Variants in PI4KA observed in about 807,000 individuals in gnomAD.
The protein encoded by PI4KA is PI4-kinase alpha.
Under a neutral mutation model 271.4 loss-of-function variants are expected in PI4KA, and 122 were observed. The ratio of observed to expected loss-of-function variants is 0.45; its 90% CI spans 0.39 to 0.52. PI4KA has a LOEUF of 0.52. Ranked by LOEUF, PI4KA falls within the 20% of genes least tolerant of loss-of-function variation. PI4KA has a pLI of 0.00. For synonymous variants in PI4KA, 1,041 were observed against 1,078.8 expected (o/e 0.96, Z 0.69); for missense variants, 1,969 against 2,769.1 (o/e 0.71, Z 6.48).
intron 23 of PI4KA, among the ~76,000 whole-genome samples, chr22:20,758,665 T>A (rs1931609700): frequency 6.6e-6 from 1 of 152,124 alleles, no homozygotes; most frequent in African/African-American, 2.4e-5. Context: ...AATGAACAGT[T>A]CAGCCAGAGC....
chr22:20,718,311 T>C (rs1381115144), intron 44 of PI4KA, among the ~76,000 whole-genome samples: 2 of 152,188 alleles, frequency 1.3e-5, no homozygotes, highest in Non-Finnish European at 2.9e-5. Context: ...AGGAAAACGA[T>C]GACAGGACCT....
chr22:20,714,054 GC>G (rs369135435), intron 47 of PI4KA, among the ~76,000 whole-genome samples: 28 of 152,330 alleles, frequency 1.8e-4, no homozygotes, highest in Admixed American at 7.8e-4. Context: ...AGGACTGCTG[GC>G]AACACCACCA....
At chr22:20,773,259 C>A (rs1334735597) in intron 19 of PI4KA, among the ~76,000 whole-genome samples, 1 of 150,610 alleles carries the variant, frequency 6.6e-6, no homozygotes, top group Admixed American at 6.7e-5. Context: ...TGGTGGTGTG[C>A]GCCTGTAATC....
At chr22:20,758,459 C>CTTTTTTT (rs35401829) in intron 23 of PI4KA, among the ~76,000 whole-genome samples, 63 of 85,002 alleles carry the variant, frequency 7.4e-4, no homozygotes, top group East Asian at 3.5e-3. Flanking sequence ...TCTTTCTTTT[C>CTTTTTTT]TTTTTTTTTT....
chr22:20,810,339 TAC>T (rs1935921594), intron 9 of PI4KA, among the ~76,000 whole-genome samples: 3 of 151,940 alleles, frequency 2.0e-5, no homozygotes, highest in Admixed American at 2.0e-4. Flanking sequence ...ACCCAGTCTC[TAC>T]TAAAAAATAC....
intron 9 of PI4KA, among the ~76,000 whole-genome samples, chr22:20,809,078 C>T (rs1294020242): frequency 3.9e-5 from 6 of 152,106 alleles, no homozygotes; most frequent in Admixed American, 2.0e-4. Flanking sequence ...TTACAGACAA[C>T]GTCTGGTGGT....
chr22:20,800,240 C>G (rs191677201), intron 14 of PI4KA, among the ~76,000 whole-genome samples: 5 of 152,186 alleles, frequency 3.3e-5, no homozygotes, highest in African/African-American at 9.7e-5. Context: ...CTGTTTGGCT[C>G]CTGGGCCAGA....
chr22:20,715,335 G>A (rs1289734498), intron 45 of PI4KA, among the ~76,000 whole-genome samples: 8 of 151,752 alleles, frequency 5.3e-5, no homozygotes, highest in Admixed American at 4.6e-4. Flanking sequence ...CCTCCCAAGT[G>A]CTGGGATTAC....
intron 22 of PI4KA, among the ~76,000 whole-genome samples, chr22:20,763,343 C>T (rs1932195818): frequency 6.6e-6 from 1 of 152,064 alleles, no homozygotes; most frequent in Non-Finnish European, 1.5e-5. Flanking sequence ...AACTCCTGAC[C>T]TCAGGATCTG....
At chr22:20,719,171 G>A (rs1383727440) in intron 43 of PI4KA, among the ~76,000 whole-genome samples, 9 of 151,976 alleles carry the variant, frequency 5.9e-5, no homozygotes, top group African/African-American at 2.2e-4. Flanking sequence ...GGAGAAAAAA[G>A]CCCGTGTCAT....
chr22:20,766,722 C>T (rs890362478), intron 19 of PI4KA, among the ~76,000 whole-genome samples: 5 of 152,266 alleles, frequency 3.3e-5, no homozygotes, highest in East Asian at 1.9e-4. Context: ...CTGATCCTTA[C>T]GGACCCCCCA....
intron 19 of PI4KA, chr22:20,786,202 G>A: frequency 1.2e-6 from 2 of 1,602,848 alleles, no homozygotes; most frequent in Non-Finnish European, 1.7e-6. Flanking sequence ...CCTCAGCACA[G>A]CCCCACCTCC....
At chr22:20,848,095 G>A (rs574312574) in intron 1 of PI4KA, among the ~76,000 whole-genome samples, 1 of 152,070 alleles carries the variant, frequency 6.6e-6, no homozygotes, top group African/African-American at 2.4e-5. Context: ...AAAATTAGCC[G>A]GGCATGGTTG....
intron 10 of PI4KA, among the ~76,000 whole-genome samples, chr22:20,806,248 G>A (rs1019286918): frequency 1.3e-5 from 2 of 152,198 alleles, no homozygotes; most frequent in Non-Finnish European, 2.9e-5. Context: ...AGTGTGAGGG[G>A]AGAGCATAGG....
At position 20,765,578 on chromosome 22, in the gene PI4KA, C is replaced by T. The variant is rs755918121; in HGVS notation, c.2437+7G>A. 1 of 1,561,286 alleles carries T rather than the reference C, an allele frequency of 6.4e-7. No individual in the cohort carries two copies. The highest frequency in any genetic ancestry group is 1.1e-5 in the South Asian group (1 of 90,082). ...CGTCTTCACTGGGAGAGAGATGATC[C>T]CCCTACCTGAGCCCTCCACAGCGAA... On this transcript the variant is annotated splice_region_variant and intron_variant, in intron 20 of 54. Coordinates refer to ENST00000255882, the MANE Select transcript of PI4KA (RefSeq NM_058004.4).
At chr22:20,725,541 T>G (rs950462420) in intron 42 of PI4KA, 4 of 450,008 alleles carry the variant, frequency 8.9e-6, no homozygotes, top group South Asian at 1.6e-5. Context: ...AAGGGGAGAT[T>G]AGGACACAGA....
Position 20,712,476 on chromosome 22 carries a change from C to A in PI4KA, c.5802+10G>T, listed in dbSNP as rs753417519. The A allele has an allele frequency of 3.1e-6, 5 of 1,607,432 alleles. No homozygotes were observed. Among genetic ancestry groups the A allele is most frequent in the Non-Finnish European group, 4.2e-6 (5 of 1,177,726 alleles). ...CACGACCTCCCCCGGCCTGTGGCCA[C>A]CCTGGCTACCTGCTGGAAGGCCAGA... On this transcript the variant is annotated intron_variant, in intron 50 of 54. Coordinates refer to ENST00000255882, the MANE Select transcript of PI4KA (RefSeq NM_058004.4).
chr22:20,712,435 G>A, intron 50 of PI4KA, 51 bp downstream of exon 50: 2 of 1,597,186 alleles, frequency 1.3e-6, no homozygotes, highest in South Asian at 1.1e-5. Flanking sequence ...GGGTGGCTGG[G>A]GTGGGGTGGA....
intron 19 of PI4KA, among the ~76,000 whole-genome samples, chr22:20,791,633 C>G (rs530589643): frequency 6.6e-6 from 1 of 152,028 alleles, no homozygotes; most frequent in South Asian, 2.1e-4. Context: ...TGATGTGCAC[C>G]TGTAGTCCCA....
Sources: allele counts gnomAD v4.1 joint callset (sites outside exome capture counted in the v4.1 genomes callset), GRCh38; gene constraint gnomAD v4.1.1; transcripts MANE v1.5; gene names NCBI Gene and HGNC (gene_info 2026-07-23, HGNC 2026-07-21).